The following POU6F2 variants were observed in gnomAD, a reference collection of about 807,000 sequenced individuals.
The protein encoded by POU6F2 is POU domain, class 6, transcription factor 2.
POU6F2 carries 31 observed loss-of-function variants against 71.3 expected under a neutral mutation model. That is an observed-to-expected ratio of 0.43 (90% CI 0.33 to 0.59). The LOEUF is 0.59. POU6F2 is among the 20% of genes least tolerant of loss of function. The pLI, the probability that POU6F2 is intolerant of heterozygous loss-of-function variation, is 0.04. For missense variants in POU6F2, 783 were observed against 856.8 expected (o/e 0.91, Z 1.07); for synonymous variants, 347 against 355.7 (o/e 0.98, Z 0.27).
intron 4 of POU6F2, among the ~76,000 whole-genome samples, chr7:39,225,988 A>C (rs1011550659): frequency 2.6e-5 from 4 of 152,014 alleles, no homozygotes; most frequent in African/African-American, 9.7e-5. Flanking sequence ...TTTAAAAAAA[A>C]CCAACATTTT....
At chr7:39,404,011 T>C (rs779208868) in intron 5 of POU6F2, among the ~76,000 whole-genome samples, 1 of 152,122 alleles carries the variant, frequency 6.6e-6, no homozygotes, top group Non-Finnish European at 1.5e-5. Flanking sequence ...GGAATGACGG[T>C]AGGAAGTAAA....
chr7:39,454,034 T>C lies in POU6F2; in HGVS notation c.1489+2333T>C, dbSNP rs185222364. On this transcript the variant is annotated intron_variant, in intron 8 of 9. Coordinates refer to ENST00000518318, the MANE Select transcript of POU6F2 (RefSeq NM_001370959.1). ...AAATCCCTTCTGTCTCAAAAGCAAC[T>C]ACAGAATGAATAGTACATGAATCAT... Among the ~76,000 whole-genome samples, 283 of 152,300 alleles carry C rather than the reference T, an allele frequency of 1.9e-3. 3 individuals carry two copies. Among genetic ancestry groups the C allele is most frequent in the Admixed American group, 0.016 (245 of 15,304 alleles).
At chr7:39,203,898 T>G (rs922117551) in intron 2 of POU6F2, among the ~76,000 whole-genome samples, 19 of 152,132 alleles carry the variant, frequency 1.2e-4, no homozygotes, top group African/African-American at 4.3e-4. Context: ...ATTGATAGAC[T>G]TGGTCATATC....
chr7:39,302,133 A>T (rs1391823718), intron 4 of POU6F2, among the ~76,000 whole-genome samples: 1 of 152,124 alleles, frequency 6.6e-6, no homozygotes, highest in African/African-American at 2.4e-5. Context: ...ATCTTTTGAA[A>T]TTTTTTACAT....
At chr7:39,016,015 T>TGTATGTTG (rs376501299) in intron 1 of POU6F2, among the ~76,000 whole-genome samples, 1 of 28,324 alleles carries the variant, frequency 3.5e-5, no homozygotes, top group South Asian at 8.7e-4. Flanking sequence ...TATTATATAT[T>TGTATGTTG]ATATATATTA....
chr7:39,078,987 T>C (rs986840927), intron 1 of POU6F2, among the ~76,000 whole-genome samples: 1 of 152,088 alleles, frequency 6.6e-6, no homozygotes, highest in African/African-American at 2.4e-5. Flanking sequence ...TATTTGAGTC[T>C]TCAACTTCAA....
At chr7:39,070,152 AT>A (rs1383438429) in intron 1 of POU6F2, among the ~76,000 whole-genome samples, 1 of 152,188 alleles carries the variant, frequency 6.6e-6, no homozygotes, top group Non-Finnish European at 1.5e-5. Flanking sequence ...AAGCTGAGAG[AT>A]GATTTATTTG....
intron 2 of POU6F2, among the ~76,000 whole-genome samples, chr7:39,192,438 C>CT (rs1562740524): frequency 6.6e-6 from 1 of 152,142 alleles, no homozygotes; most frequent in African/African-American, 2.4e-5. Flanking sequence ...AGGCCAGACT[C>CT]TTATCTTCAT....
chr7:39,400,093 T>C (rs1234735113), intron 5 of POU6F2, among the ~76,000 whole-genome samples: 3 of 152,108 alleles, frequency 2.0e-5, no homozygotes, highest in Non-Finnish European at 2.9e-5. Flanking sequence ...TTCCCTCTCC[T>C]TCGTTCGGGA....
chr7:39,279,771 G>C (rs1784526582), intron 4 of POU6F2, among the ~76,000 whole-genome samples: 2 of 151,998 alleles, frequency 1.3e-5, no homozygotes, highest in African/African-American at 4.8e-5. Context: ...TTTTGAGATA[G>C]AGTTTCACTC....
intron 2 of POU6F2, among the ~76,000 whole-genome samples, chr7:39,111,264 C>T (rs930361257): frequency 4.6e-5 from 7 of 152,072 alleles, no homozygotes; most frequent in African/African-American, 1.7e-4. Flanking sequence ...ATTTTTTGAC[C>T]TCAGAAACAT....
chr7:39,340,113 G>A (rs1337308856), intron 5 of POU6F2, 98 bp downstream of exon 5: 17 of 1,428,456 alleles, frequency 1.2e-5, no homozygotes, highest in East Asian at 2.3e-5. Flanking sequence ...ACAAAACTTA[G>A]CATCCAGTTC....
chr7:39,207,344 G>A (rs773634576), intron 3 of POU6F2, 48 bp from the exon 4 acceptor site: 218 of 1,566,772 alleles, frequency 1.4e-4, no homozygotes, highest in Non-Finnish European at 1.8e-4. Flanking sequence ...TAAAACCCAT[G>A]CCTTGGTTCC....
intron 2 of POU6F2, among the ~76,000 whole-genome samples, chr7:39,167,981 T>A (rs2128738310): frequency 6.6e-6 from 1 of 152,220 alleles, no homozygotes; most frequent in East Asian, 1.9e-4. Context: ...TTTGATACTT[T>A]CTCAAATTTA....
intron 1 of POU6F2, among the ~76,000 whole-genome samples, chr7:39,000,555 A>T (rs889958834): frequency 1.2e-4 from 18 of 151,606 alleles, no homozygotes; most frequent in Admixed American, 6.6e-5. Context: ...ACACACACAC[A>T]CACACACACA....
chr7:39,239,017 T>C (rs1794727201), intron 4 of POU6F2, among the ~76,000 whole-genome samples: 1 of 152,184 alleles, frequency 6.6e-6, no homozygotes, highest in African/African-American at 2.4e-5. Flanking sequence ...ACCTCTGGGC[T>C]GTTGAAGCAT....
chr7:39,186,535 T>G (rs35138561), intron 2 of POU6F2, among the ~76,000 whole-genome samples: 36,827 of 152,072 alleles, frequency 0.24, 4,587 homozygotes, highest in South Asian at 0.35. Flanking sequence ...AGACACCACC[T>G]CAGCCTTTGT....
intron 1 of POU6F2, among the ~76,000 whole-genome samples, chr7:39,033,830 G>A (rs534715811): frequency 6.6e-5 from 10 of 152,136 alleles, no homozygotes; most frequent in South Asian, 2.1e-4. Context: ...TTATTTTTCC[G>A]CGCTAGTGGA....
At chr7:39,093,462 A>G (rs1002364442) in intron 2 of POU6F2, among the ~76,000 whole-genome samples, 2 of 152,098 alleles carry the variant, frequency 1.3e-5, no homozygotes, top group Non-Finnish European at 2.9e-5. Flanking sequence ...TTTTTAGGAT[A>G]CTTATGATGT....
Sources: gnomAD v4.1 joint callset for allele counts (sites outside exome capture counted in the v4.1 genomes callset) on GRCh38, gnomAD v4.1.1 for gene constraint, MANE v1.5 for transcripts, NCBI Gene and HGNC (gene_info 2026-07-23, HGNC 2026-07-21) for gene names.